The following EXOC6B variants were observed in gnomAD, a reference collection of about 807,000 sequenced individuals.
EXOC6B encodes SEC15 homolog B.
EXOC6B carries 54 observed loss-of-function variants against 113.5 expected under a neutral mutation model. That is an observed-to-expected ratio of 0.48 (90% CI 0.38 to 0.60). The LOEUF (loss-of-function observed/expected upper bound fraction) is 0.60, where lower values mean the gene tolerates loss of function less well. EXOC6B is among the 20% of genes least tolerant of loss of function. EXOC6B has a pLI of 0.00. For synonymous variants in EXOC6B, 357 were observed against 339.0 expected (o/e 1.05, Z -0.58); for missense variants, 797 against 977.5 (o/e 0.82, Z 2.46).
chr2:72,625,552 A>C (rs1215351319), intron 6 of EXOC6B, among the ~76,000 whole-genome samples: 2 of 152,134 alleles, frequency 1.3e-5, no homozygotes, highest in Non-Finnish European at 2.9e-5. Flanking sequence ...TATTGTCCTC[A>C]TTCCAGCAGA....
At chr2:72,369,041 AG>A (rs1311905864) in intron 19 of EXOC6B, among the ~76,000 whole-genome samples, 1 of 152,214 alleles carries the variant, frequency 6.6e-6, no homozygotes, top group Non-Finnish European at 1.5e-5. Context: ...AATGAATTAA[AG>A]GGTATTCAAT....
intron 20 of EXOC6B, among the ~76,000 whole-genome samples, chr2:72,317,326 A>T (rs1687579461): frequency 6.6e-6 from 1 of 152,030 alleles, no homozygotes; most frequent in Non-Finnish European, 1.5e-5. Flanking sequence ...CCCAAAACCT[A>T]TCGATACCTC....
intron 18 of EXOC6B, among the ~76,000 whole-genome samples, chr2:72,445,600 T>C (rs942763622): frequency 6.6e-6 from 1 of 152,320 alleles, no homozygotes; most frequent in South Asian, 2.1e-4. Flanking sequence ...ACAAGTCATA[T>C]GTGGATAGTG....
rs192339263 is a variant in EXOC6B, at chr2:72,294,223, A to G, written c.2196+40724T>C. Among the ~76,000 whole-genome samples the G allele has an allele frequency of 2.5e-3, 378 of 152,240 alleles. 3 individuals are homozygous for G. The highest frequency in any genetic ancestry group is 7.8e-3 in the African/African-American group (326 of 41,562). The stretch of plus-strand genomic sequence containing the variant: ...GATAAAAAACACAAAGATAAACAGA[A>G]AGAAAAGATGGTTTGTATGGGGAGG... On this transcript the variant is annotated intron_variant, in intron 20 of 21. Coordinates refer to ENST00000272427, the MANE Select transcript of EXOC6B (RefSeq NM_015189.3).
At chr2:72,659,490 T>C (rs1327765689) in intron 6 of EXOC6B, among the ~76,000 whole-genome samples, 1 of 152,160 alleles carries the variant, frequency 6.6e-6, no homozygotes, top group Non-Finnish European at 1.5e-5. Context: ...TTAACAGCTA[T>C]ATTTTATTTC....
At chr2:72,683,234 G>A (rs1676840797) in intron 6 of EXOC6B, among the ~76,000 whole-genome samples, 1 of 152,044 alleles carries the variant, frequency 6.6e-6, no homozygotes, top group East Asian at 1.9e-4. Flanking sequence ...TTTCATTGTG[G>A]ATTCTCCACC....
intron 19 of EXOC6B, among the ~76,000 whole-genome samples, chr2:72,363,791 A>G (rs896704112): frequency 1.3e-5 from 2 of 152,098 alleles, no homozygotes; most frequent in African/African-American, 4.8e-5. Context: ...GGGGTTAAAT[A>G]ATTTACATAT....
At chr2:72,224,829 T>C (rs886591627) in intron 20 of EXOC6B, among the ~76,000 whole-genome samples, 1 of 150,950 alleles carries the variant, frequency 6.6e-6, no homozygotes, top group African/African-American at 2.4e-5. Flanking sequence ...TGCGTGTGTG[T>C]ATGTGTGTAT....
intron 18 of EXOC6B, among the ~76,000 whole-genome samples, chr2:72,433,104 T>A (rs1303252196): frequency 6.6e-6 from 1 of 152,226 alleles, no homozygotes; most frequent in Non-Finnish European, 1.5e-5. Context: ...AAGGAAGGGG[T>A]CCAGTATCAG....
intron 20 of EXOC6B, among the ~76,000 whole-genome samples, chr2:72,209,244 A>G (rs865801046): frequency 0.012 from 1,273 of 102,872 alleles, 22 homozygotes; most frequent in African/African-American, 0.047. Flanking sequence ...AAAAAAAAAA[A>G]AAAGAAAAGA....
chr2:72,748,997 A>G (rs981450231), intron 1 of EXOC6B, among the ~76,000 whole-genome samples: 1 of 152,100 alleles, frequency 6.6e-6, no homozygotes, highest in Admixed American at 6.6e-5. Context: ...AATCACCAAC[A>G]GTAACTGAAG....
intron 18 of EXOC6B, among the ~76,000 whole-genome samples, chr2:72,444,165 C>T (rs569732245): frequency 4.6e-5 from 7 of 152,346 alleles, no homozygotes; most frequent in South Asian, 4.1e-4. Context: ...GGGCTACAGG[C>T]CCCATGCAAG....
At chr2:72,726,566 T>C (rs993952126) in intron 5 of EXOC6B, among the ~76,000 whole-genome samples, 4 of 152,204 alleles carry the variant, frequency 2.6e-5, no homozygotes, top group Non-Finnish European at 1.5e-5. Context: ...GTTTTTCTCT[T>C]TAATTTTTAA....
At chr2:72,768,292 T>C (rs1476551041) in intron 1 of EXOC6B, among the ~76,000 whole-genome samples, 1 of 146,092 alleles carries the variant, frequency 6.8e-6, no homozygotes, top group East Asian at 2.0e-4. Context: ...TGCAAGCTTT[T>C]TTTTTTTTTT....
intron 7 of EXOC6B, among the ~76,000 whole-genome samples, chr2:72,568,344 A>G (rs1052358990): frequency 2.6e-5 from 4 of 152,082 alleles, no homozygotes; most frequent in African/African-American, 9.6e-5. Flanking sequence ...AGTTGTATAA[A>G]GGTTGTATAT....
chr2:72,229,341 G>A (rs541757153), intron 20 of EXOC6B, among the ~76,000 whole-genome samples: 82 of 152,254 alleles, frequency 5.4e-4, no homozygotes, highest in African/African-American at 1.9e-3. Context: ...CGAAGATTAC[G>A]AAGCAAAGAG....
At chr2:72,785,324 G>C (rs1478647994) in intron 1 of EXOC6B, among the ~76,000 whole-genome samples, 1 of 152,212 alleles carries the variant, frequency 6.6e-6, no homozygotes, top group Non-Finnish European at 1.5e-5. Flanking sequence ...CTGGGGTCTG[G>C]AGGACAGTGG....
At chr2:72,514,974 C>G in intron 9 of EXOC6B, 69 bp downstream of exon 9, 1 of 1,338,492 alleles carries the variant, frequency 7.5e-7, no homozygotes, top group Non-Finnish European at 1.1e-6. Flanking sequence ...CACACACACA[C>G]ACACACGCAT....
At chr2:72,761,282 G>C (rs1328888267) in intron 1 of EXOC6B, among the ~76,000 whole-genome samples, 2 of 152,244 alleles carry the variant, frequency 1.3e-5, no homozygotes, top group East Asian at 3.9e-4. Context: ...GGTTTGGGCT[G>C]TATAACTTCT....
Sources: allele counts gnomAD v4.1 joint callset (sites outside exome capture counted in the v4.1 genomes callset), GRCh38; gene constraint gnomAD v4.1.1; transcripts MANE v1.5; gene names NCBI Gene and HGNC (gene_info 2026-07-23, HGNC 2026-07-21).